Variants in GYG1 observed in about 807,000 individuals in gnomAD.
The protein encoded by GYG1 is glycogenin 1.
GYG1 carries 44 observed loss-of-function variants against 41.9 expected under a neutral mutation model. That is an observed-to-expected ratio of 1.05 (90% CI 0.83 to 1.35). The LOEUF is 1.35. GYG1 is among the 40% of genes most tolerant of loss of function. The pLI is 0.00. For missense variants in GYG1, 429 were observed against 418.9 expected (o/e 1.02, Z -0.21); for synonymous variants, 141 against 158.1 (o/e 0.89, Z 0.81).
In GYG1 at chr3:149,029,891, T is replaced by G. The variant is rs1236248289; in HGVS notation, c.*2958T>G. ...TTTTTCTTCCAGATGAAGAAATTAA[T>G]TGGGACCAATGTTTTTAGATCAAGG... On this transcript the variant is annotated 3_prime_UTR_variant, in exon 8 of 8. Coordinates refer to ENST00000345003, the MANE Select transcript of GYG1 (RefSeq NM_004130.4). Among the ~76,000 whole-genome samples, 1 of 152,218 alleles carries G rather than the reference T, an allele frequency of 6.6e-6. No individual in the cohort carries two copies. Among genetic ancestry groups the G allele is most frequent in the African/African-American group, 2.4e-5 (1 of 41,452 alleles).
In GYG1 at chr3:149,026,960, T is replaced by A. The variant is rs1431068193; in HGVS notation, c.*27T>A. The A allele has an allele frequency of 6.2e-7, 1 of 1,609,520 alleles. No homozygotes were observed. The highest frequency in any genetic ancestry group is 2.2e-5 in the East Asian group (1 of 44,872). On this transcript the variant is annotated 3_prime_UTR_variant, in exon 8 of 8. Coordinates refer to ENST00000345003, the MANE Select transcript of GYG1 (RefSeq NM_004130.4). Reference sequence around the variant, plus strand: ...AACACTGCATTTTTCTGTGAACACATCCACTTCACAAGCCTTGTTTCTGAT... The same window carrying A: ...AACACTGCATTTTTCTGTGAACACAACCACTTCACAAGCCTTGTTTCTGAT...
At chr3:148,993,350 C>G (rs1712595462) in intron 1 of GYG1, among the ~76,000 whole-genome samples, 1 of 151,744 alleles carries the variant, frequency 6.6e-6, no homozygotes, top group African/African-American at 2.4e-5. Flanking sequence ...GGACCTGCAC[C>G]TTCTTCTCCA....
rs1043135722 is a variant in GYG1 at position 148,994,003 on chromosome 3, G to A, written c.8-139G>A. ...GGGCACTTGGGGTTTTCTCCCCAAAGGGCTACAGCTTGATTCATAGAGAAA... is the reference window on the plus strand; with the variant it reads ...GGGCACTTGGGGTTTTCTCCCCAAAAGGCTACAGCTTGATTCATAGAGAAA... On this transcript the variant is annotated intron_variant, in intron 1 of 7. Coordinates refer to ENST00000345003, the MANE Select transcript of GYG1 (RefSeq NM_004130.4). The A allele has an allele frequency of 3.2e-5, 25 of 774,178 alleles. No individual in the cohort carries two copies. In the Admixed American group the frequency reaches 5.4e-4, roughly 17 times the overall value. The allele number at this position is 774,178 out of a possible 1,614,324, so 48.0% of individuals were successfully genotyped here.
Position 149,011,712 on chromosome 3 carries a change from A to G in GYG1, c.608+2310A>G, listed in dbSNP as rs370934504. ...TATCCTCCAAATGAATTGCCCCCAA[A>G]AAACCAGTTAGAGATCTAAATTACT... is the stretch of plus-strand genomic sequence containing the variant. On this transcript the variant is annotated intron_variant, in intron 5 of 7. Transcript: ENST00000345003. 3.3e-5 allele frequency among the ~76,000 whole-genome samples: 5 copies of G among 152,320 alleles called. No individual in the cohort carries two copies. In the East Asian group the frequency reaches 7.7e-4, roughly 23 times the overall value.
Position 149,029,552 on chromosome 3 carries a change from T to C in GYG1, c.*2619T>C, listed in dbSNP as rs528809333. On this transcript the variant is annotated 3_prime_UTR_variant, in exon 8 of 8. Coordinates refer to ENST00000345003, the MANE Select transcript of GYG1 (RefSeq NM_004130.4). Reference sequence around the variant, plus strand: ...TTTTGAAGTTAATGTGTTAAAAACTTGAGGTTAAACATTTGAGTTTTTGTT... The same window carrying C: ...TTTTGAAGTTAATGTGTTAAAAACTCGAGGTTAAACATTTGAGTTTTTGTT... 6.6e-6 allele frequency among the ~76,000 whole-genome samples: 1 copy of C among 152,360 alleles called. No homozygotes were observed. The highest frequency in any genetic ancestry group is 2.4e-5 in the African/African-American group (1 of 41,586).
rs112622137 is a variant in GYG1 at position 148,994,202 on chromosome 3, G to A, written c.68G>A (p.Gly23Glu). The A allele has an allele frequency of 6.2e-4, 998 of 1,613,832 alleles. 2 individuals are homozygous for A. Among genetic ancestry groups the A allele is most frequent in the Non-Finnish European group, 7.9e-4 (928 of 1,179,908 alleles). ...DAYAKGALVL[G>E]SSLKQHRTTR... Reference sequence around the variant, plus strand: ...TACGCCAAAGGTGCCCTGGTCCTGGGATCATCTCTGAAACAGCACAGGACC... The same window carrying A: ...TACGCCAAAGGTGCCCTGGTCCTGGAATCATCTCTGAAACAGCACAGGACC... The change falls in exon 2 of 8, where the codon GGA becomes GAA. Residue 23 changes from glycine (G) to glutamate (E), a missense_variant. By Grantham distance (98) the Gly-to-Glu change is moderately conservative. Transcript: ENST00000345003.
At position 148,994,129 on chromosome 3, in the gene GYG1, T is replaced by A. The variant is rs199506295; in HGVS notation, c.8-13T>A. 1 of 1,612,358 alleles carries A rather than the reference T, an allele frequency of 6.2e-7. No homozygotes were observed. The highest frequency in any genetic ancestry group is 8.5e-7 in the Non-Finnish European group (1 of 1,178,456). On this transcript the variant is annotated splice_polypyrimidine_tract_variant and intron_variant, in intron 1 of 7. Coordinates refer to ENST00000345003, the MANE Select transcript of GYG1 (RefSeq NM_004130.4). The stretch of plus-strand genomic sequence containing the variant: ...GATACTGTAATGAGTGTTTTTTTTT[T>A]CTTTGTATTAAGATCAGGCCTTTGT...
chr3:149,026,059 A>G (rs535585480), intron 6 of GYG1, among the ~76,000 whole-genome samples: 41 of 152,336 alleles, frequency 2.7e-4, no homozygotes, highest in Non-Finnish European at 5.1e-4. Flanking sequence ...CAAACATCTT[A>G]AAGTTCCACT....
In GYG1 at chr3:149,027,065, T is replaced by G. The variant is rs890308700; in HGVS notation, c.*132T>G. On this transcript the variant is annotated 3_prime_UTR_variant, in exon 8 of 8. Coordinates refer to ENST00000345003, the MANE Select transcript of GYG1 (RefSeq NM_004130.4). ...CATTAAAACTTATCAGATGAGAGGC[T>G]TTTTTAGGATAAGAGGTGAGAACTG... is the stretch of plus-strand genomic sequence containing the variant. 9.9e-6 allele frequency: 9 copies of G among 912,596 alleles called. No individual in the cohort carries two copies. The African/African-American group carries it at 1.3e-4, about 13-fold the overall frequency. The allele number at this position is 912,596 out of a possible 1,614,324, so 56.5% of individuals were successfully genotyped here.
At chr3:149,016,286 A>G (rs1249769974) in intron 5 of GYG1, among the ~76,000 whole-genome samples, 5 of 146,078 alleles carry the variant, frequency 3.4e-5, no homozygotes, top group Non-Finnish European at 6.1e-5. Flanking sequence ...ACAAAAAAGA[A>G]AAAAAAAAAA....
chr3:148,999,092 G>T (rs1712960339), intron 4 of GYG1, among the ~76,000 whole-genome samples: 1 of 152,200 alleles, frequency 6.6e-6, no homozygotes, highest in African/African-American at 2.4e-5. Flanking sequence ...GTGTGCCGTG[G>T]TAAATTATCT....
chr3:148,994,433 ACCT>A (rs1375516430), intron 2 of GYG1, among the ~76,000 whole-genome samples, 156 bp downstream of exon 2: 3 of 151,354 alleles, frequency 2.0e-5, no homozygotes, highest in Non-Finnish European at 4.4e-5. Flanking sequence ...TGTATTTGAA[ACCT>A]CCTCCTAGCT....
At chr3:149,021,216 A>G (rs1013541070) in intron 5 of GYG1, among the ~76,000 whole-genome samples, 25 of 152,254 alleles carry the variant, frequency 1.6e-4, no homozygotes, top group African/African-American at 4.8e-4. Flanking sequence ...GACCCATCTT[A>G]CTGTTTGAAC....
intron 4 of GYG1, 32 bp from the exon 5 acceptor site, chr3:149,009,244 T>G: frequency 6.5e-7 from 1 of 1,533,114 alleles, no homozygotes; most frequent in Non-Finnish European, 9.0e-7. Context: ...TCTAGAGATC[T>G]GTTAACTAAT....
At position 149,020,921 on chromosome 3, in the gene GYG1, C is replaced by T. The variant is rs112908554; in HGVS notation, c.609-3132C>T. 7.3e-4 allele frequency among the ~76,000 whole-genome samples: 111 copies of T among 152,228 alleles called. 1 individual carries two copies. The highest frequency in any genetic ancestry group is 6.9e-3 in the South Asian group (33 of 4,810). ...TATCTCATTCTTATGTACTCTGTTT[C>T]GGTTTTAGGCTTATGGGTTTGTATT... On this transcript the variant is annotated intron_variant, in intron 5 of 7. Transcript: ENST00000345003.
chr3:148,996,790 G>T lies in GYG1; in HGVS notation c.367G>T (p.Ala123Ser), dbSNP rs955833273. ...TTTTGACAGAGAAGAATTGTCAGCAGCACCAGACCCAGGGTGGCCTGACTG... is the reference window on the plus strand; with the variant it reads ...TTTTGACAGAGAAGAATTGTCAGCATCACCAGACCCAGGGTGGCCTGACTG... ...DLFDREELSA[A>S]PDPGWPDCFN... Residue 123 changes from alanine (A) to serine (S), a missense_variant, in exon 4 of 8, where the codon GCA (alanine) becomes TCA (serine). Ala to Ser is a moderately conservative substitution (Grantham distance 99). Coordinates refer to ENST00000345003, the MANE Select transcript of GYG1 (RefSeq NM_004130.4). 6.2e-7 allele frequency: 1 copy of T among 1,613,612 alleles called. No homozygotes were observed. The highest frequency in any genetic ancestry group is 8.5e-7 in the Non-Finnish European group (1 of 1,179,452).
intron 5 of GYG1, among the ~76,000 whole-genome samples, chr3:149,012,145 T>A (rs1464119443): frequency 1.3e-5 from 2 of 151,108 alleles, no homozygotes; most frequent in Non-Finnish European, 3.0e-5. Context: ...TACATTTCTT[T>A]TTTATTATAA....
chr3:148,996,558 C>T (rs1712803671), intron 3 of GYG1, 82 bp downstream of exon 3: 1 of 1,319,418 alleles, frequency 7.6e-7, no homozygotes, highest in South Asian at 1.2e-5. Flanking sequence ...GGAATGCTGT[C>T]AAGACTTGAC....
At chr3:148,995,294 A>G (rs1356051230) in intron 2 of GYG1, among the ~76,000 whole-genome samples, 1 of 152,212 alleles carries the variant, frequency 6.6e-6, no homozygotes, top group Non-Finnish European at 1.5e-5. Flanking sequence ...CGGGCACACT[A>G]GTAACTTTGT....
Sources: gnomAD v4.1 joint callset for allele counts (sites outside exome capture counted in the v4.1 genomes callset) on GRCh38, gnomAD v4.1.1 for gene constraint, MANE v1.5 for transcripts, NCBI Gene and HGNC (gene_info 2026-07-23, HGNC 2026-07-21) for gene names.